The following RPS6KA5 variants were observed in gnomAD, a reference collection of about 807,000 sequenced individuals.
RPS6KA5 encodes the protein ribosomal protein S6 kinase alpha-5.
RPS6KA5 carries 27 observed loss-of-function variants against 85.5 expected under a neutral mutation model. The ratio of observed to expected loss-of-function variants is 0.32; its 90% CI spans 0.23 to 0.44. The LOEUF (loss-of-function observed/expected upper bound fraction) is 0.44. RPS6KA5 is among the 20% of genes least tolerant of loss of function. RPS6KA5 has a pLI of 1.00. For synonymous variants in RPS6KA5, 334 were observed against 348.2 expected, an observed-to-expected ratio of 0.96 and a Z score of 0.46; for missense variants, 811 against 980.9, an observed-to-expected ratio of 0.83 and a Z score of 2.31.
intron 1 of RPS6KA5, among the ~76,000 whole-genome samples, chr14:91,005,577 A>T (rs887889017): frequency 5.9e-5 from 9 of 152,200 alleles, no homozygotes; most frequent in Admixed American, 5.2e-4. Context: ...AACACATAAG[A>T]AGAAATGGTA....
At chr14:90,982,384 G>A (rs1406235394) in intron 2 of RPS6KA5, among the ~76,000 whole-genome samples, 1 of 152,096 alleles carries the variant, frequency 6.6e-6, no homozygotes, top group Non-Finnish European at 1.5e-5. Flanking sequence ...ATCACTTGAG[G>A]CTAGAAGTTT....
intron 3 of RPS6KA5, among the ~76,000 whole-genome samples, chr14:90,955,236 G>A (rs1196456969): frequency 5.3e-5 from 8 of 152,116 alleles, no homozygotes; most frequent in African/African-American, 1.9e-4. Flanking sequence ...GTTTTAGTAT[G>A]TAGTGTCTTC....
intron 1 of RPS6KA5, among the ~76,000 whole-genome samples, chr14:91,012,802 GT>G (rs2041315810): frequency 6.6e-6 from 1 of 152,188 alleles, no homozygotes; most frequent in Non-Finnish European, 1.5e-5. Context: ...CAAAAGAGTG[GT>G]ACACCAGGCA....
chr14:90,900,818 T>C, intron 9 of RPS6KA5, 82 bp from the exon 10 acceptor site: 1 of 1,242,274 alleles, frequency 8.0e-7, no homozygotes, highest in Non-Finnish European at 1.1e-6. Flanking sequence ...ATGACTTTTT[T>C]TCCTTAGAAA....
At chr14:90,943,391 T>C (rs1220131716) in intron 4 of RPS6KA5, among the ~76,000 whole-genome samples, 1 of 152,122 alleles carries the variant, frequency 6.6e-6, no homozygotes, top group African/African-American at 2.4e-5. Context: ...CACGTCTTTG[T>C]TCTCCTTGTG....
At chr14:90,988,826 A>C (rs965754662) in intron 2 of RPS6KA5, among the ~76,000 whole-genome samples, 5 of 152,118 alleles carry the variant, frequency 3.3e-5, no homozygotes, top group African/African-American at 9.7e-5. Flanking sequence ...AAAATAAATA[A>C]ATAAATAAAT....
intron 1 of RPS6KA5, among the ~76,000 whole-genome samples, chr14:91,017,189 T>C (rs1184394572): frequency 1.3e-5 from 2 of 152,224 alleles, no homozygotes; most frequent in Non-Finnish European, 1.5e-5. Context: ...TCTCGATATA[T>C]GGCATCATTG....
intron 9 of RPS6KA5, among the ~76,000 whole-genome samples, chr14:90,901,506 G>A (rs2035169264): frequency 6.6e-6 from 1 of 152,170 alleles, no homozygotes; most frequent in South Asian, 2.1e-4. Context: ...TTAAAATTGA[G>A]TTTTGGAAAG....
intron 1 of RPS6KA5, among the ~76,000 whole-genome samples, chr14:91,044,346 AG>A: frequency 1.4e-5 from 1 of 71,514 alleles, no homozygotes; most frequent in Middle Eastern, 9.1e-3. Flanking sequence ...AGACAAAGAA[AG>A]AAAGAAAGAA....
Position 90,873,769 on chromosome 14 carries a change from T to C in RPS6KA5, c.2023A>G (p.Arg675Gly). The C allele has an allele frequency of 6.2e-7, 1 of 1,614,002 alleles. No homozygotes were observed. Among genetic ancestry groups the C allele is most frequent in the Non-Finnish European group, 8.5e-7 (1 of 1,179,918 alleles). The change falls in exon 16 of 17, where the codon AGG (arginine) becomes GGG (glycine). Residue 675 changes from arginine to glycine, a missense_variant. Physicochemically the swap from Arg to Gly is moderately radical, Grantham distance 125. Transcript: ENST00000614987. The stretch of plus-strand genomic sequence containing the variant: ...TACCTCAAGCCAGACATTTTAAGCC[T>C]TTTGTTTGGATCTACTGTGAGAAGT... ...QGLLTVDPNK[R>G]LKMSGLRYNE...
At position 90,855,308 on chromosome 14, in the gene RPS6KA5, AT is replaced by A. The variant is rs796602018; in HGVS notation, c.*16765del. 2.6e-5 allele frequency: 4 copies of A among 152,358 alleles called. No homozygotes were observed. Among genetic ancestry groups the A allele is most frequent in the East Asian group, 3.9e-4 (2 of 5,192 alleles). The allele number at this position is 152,358 out of a possible 1,614,324, so 9.4% of individuals were successfully genotyped here. A position where few individuals can be genotyped will look rare whatever the true frequency, so the allele number is the denominator to read the frequency against. ...GCTATAAATGACTTTCTGAATAAAT[AT>A]TTCAGCTAACTGCACAAATGAGCCT... On this transcript the variant is annotated 3_prime_UTR_variant, in exon 17 of 17. Coordinates refer to ENST00000614987, the MANE Select transcript of RPS6KA5 (RefSeq NM_004755.4).
chr14:90,878,051 C>A (rs2033593424), intron 14 of RPS6KA5, among the ~76,000 whole-genome samples: 1 of 152,214 alleles, frequency 6.6e-6, no homozygotes, highest in South Asian at 2.1e-4. Flanking sequence ...ACAGAGCTAT[C>A]TACACAGCCA....
intron 1 of RPS6KA5, among the ~76,000 whole-genome samples, chr14:91,002,939 T>C (rs2040848923): frequency 6.6e-6 from 1 of 152,170 alleles, no homozygotes; most frequent in Non-Finnish European, 1.5e-5. Flanking sequence ...GACATCAGTA[T>C]AGATCTAAAA....
rs2032374915 is a variant in RPS6KA5, at chr14:90,858,159, C to T, written c.*13915G>A. On this transcript the variant is annotated 3_prime_UTR_variant, in exon 17 of 17. Coordinates refer to ENST00000614987, the MANE Select transcript of RPS6KA5 (RefSeq NM_004755.4). ...TAGAAAAAAAAAGTACAGCTCACTG[C>T]CAGCATTCATTTAATTTTACGTAAA... 1 of 152,084 alleles carries T rather than the reference C, an allele frequency of 6.6e-6. No individual in the cohort carries two copies. Among genetic ancestry groups the T allele is most frequent in the Non-Finnish European group, 1.5e-5 (1 of 68,014 alleles). The allele number at this position is 152,084 out of a possible 1,614,324, so 9.4% of individuals were successfully genotyped here. A position where few individuals can be genotyped will look rare whatever the true frequency, so the allele number is the denominator to read the frequency against.
chr14:91,030,482 T>C (rs891369943), intron 1 of RPS6KA5, among the ~76,000 whole-genome samples: 2 of 151,810 alleles, frequency 1.3e-5, no homozygotes, highest in African/African-American at 4.8e-5. Flanking sequence ...TGAAAAACTA[T>C]ACCATGTAAG....
rs2032918990 is a variant in RPS6KA5, at chr14:90,868,751, A to G, written c.*3323T>C. 1 of 152,212 alleles carries G rather than the reference A, an allele frequency of 6.6e-6. No individual in the cohort carries two copies. Among genetic ancestry groups the G allele is most frequent in the African/African-American group, 2.4e-5 (1 of 41,456 alleles). The allele number at this position is 152,212 out of a possible 1,614,324, so 9.4% of individuals were successfully genotyped here. A position where few individuals can be genotyped will look rare whatever the true frequency, so the allele number is the denominator to read the frequency against. On this transcript the variant is annotated 3_prime_UTR_variant, in exon 17 of 17. Coordinates refer to ENST00000614987, the MANE Select transcript of RPS6KA5 (RefSeq NM_004755.4). ...TATCCAGTCAATTGTATACTTTTATAAAGTAGTGTATTTGAGAACATAAAC... is the reference window on the plus strand; with the variant it reads ...TATCCAGTCAATTGTATACTTTTATGAAGTAGTGTATTTGAGAACATAAAC...
chr14:90,907,610 A>T (rs79578650), intron 7 of RPS6KA5, among the ~76,000 whole-genome samples: 123 of 152,342 alleles, frequency 8.1e-4, no homozygotes, highest in African/African-American at 2.8e-3. Flanking sequence ...GTAATTTTTT[A>T]CAAAAGATTC....
intron 1 of RPS6KA5, among the ~76,000 whole-genome samples, chr14:91,044,045 G>C (rs1400306589): frequency 6.6e-6 from 1 of 151,952 alleles, no homozygotes; most frequent in Non-Finnish European, 1.5e-5. Context: ...TGGCCAATAT[G>C]GTGAAACCCT....
chr14:90,883,946 A>G (rs1191846219), intron 14 of RPS6KA5, among the ~76,000 whole-genome samples: 4 of 152,096 alleles, frequency 2.6e-5, no homozygotes, highest in Admixed American at 2.6e-4. Context: ...TTCCCTGTAT[A>G]AGCAGTTGCT....
Sources: allele counts gnomAD v4.1 joint callset (sites outside exome capture counted in the v4.1 genomes callset), GRCh38; gene constraint gnomAD v4.1.1; transcripts MANE v1.5; gene names NCBI Gene and HGNC (gene_info 2026-07-23, HGNC 2026-07-21).